Variants in AK5 observed in about 807,000 individuals in gnomAD.
AK5 encodes adenylate kinase isoenzyme 5.
Under a neutral mutation model 69.5 loss-of-function variants are expected in AK5, and 27 were observed. The ratio of observed to expected loss-of-function variants is 0.39; its 90% CI spans 0.29 to 0.54. The LOEUF (loss-of-function observed/expected upper bound fraction) is 0.54, where lower values mean the gene tolerates loss of function less well. Ranked by LOEUF, AK5 falls within the 20% of genes least tolerant of loss-of-function variation. The pLI is 0.71. For missense variants in AK5, 531 were observed against 700.4 expected, an observed-to-expected ratio of 0.76 and a Z score of 2.73; for synonymous variants, 260 against 244.4, an observed-to-expected ratio of 1.06 and a Z score of -0.60.
rs55772064 is a variant in AK5, at chr1:77,423,231, T to TAAA, written c.1059+5524_1059+5526dup. 1.4e-4 allele frequency among the ~76,000 whole-genome samples: 18 copies of TAAA among 132,298 alleles called. 3 individuals are homozygous for TAAA. Among genetic ancestry groups the TAAA allele is most frequent in the South Asian group, 4.8e-4 (2 of 4,152 alleles). 86.8% of individuals were successfully genotyped at this position (132,298 alleles called of 152,430 possible). On this transcript the variant is annotated intron_variant, in intron 8 of 13. Transcript: ENST00000354567. Reference sequence around the variant, plus strand: ...GCAAGACTCCGTCTAAAAAAAAAAATAAAAAAAAAAGAAGAACTACTGTTG... The same window carrying TAAA: ...GCAAGACTCCGTCTAAAAAAAAAAATAAAAAAAAAAAAAGAAGAACTACTGTTG...
intron 6 of AK5, among the ~76,000 whole-genome samples, chr1:77,402,289 C>CATT (rs982570861): frequency 6.4e-4 from 97 of 151,658 alleles, no homozygotes; most frequent in Admixed American, 1.2e-3. Context: ...AAAACTTTTT[C>CATT]ATTATTATTA....
At chr1:77,316,601 T>C (rs1341837729) in intron 5 of AK5, among the ~76,000 whole-genome samples, 1 of 152,192 alleles carries the variant, frequency 6.6e-6, no homozygotes, top group East Asian at 1.9e-4. Context: ...ACAAATTTGA[T>C]TTCCTCCTAA....
intron 6 of AK5, among the ~76,000 whole-genome samples, chr1:77,346,460 A>T (rs1191632025): frequency 6.6e-6 from 1 of 152,328 alleles, no homozygotes; most frequent in Admixed American, 6.5e-5. Context: ...ATCACTGCAC[A>T]TATGGTGGAA....
chr1:77,440,718 T>A (rs994765202), intron 8 of AK5, among the ~76,000 whole-genome samples: 1 of 152,040 alleles, frequency 6.6e-6, no homozygotes, highest in African/African-American at 2.4e-5. Flanking sequence ...TAATTTATAA[T>A]GGCCTATATT....
chr1:77,456,981 C>T (rs1653528311), intron 8 of AK5, among the ~76,000 whole-genome samples: 1 of 150,980 alleles, frequency 6.6e-6, no homozygotes. Flanking sequence ...TTGCAAATGG[C>T]TTTATTCTTT....
At chr1:77,346,476 A>G (rs970077581) in intron 6 of AK5, among the ~76,000 whole-genome samples, 3 of 152,186 alleles carry the variant, frequency 2.0e-5, no homozygotes, top group Non-Finnish European at 4.4e-5. Flanking sequence ...TGGAAATGGA[A>G]AGAAAAATAA....
At chr1:77,531,605 G>C (rs1658592975) in intron 12 of AK5, among the ~76,000 whole-genome samples, 1 of 152,156 alleles carries the variant, frequency 6.6e-6, no homozygotes, top group African/African-American at 2.4e-5. Flanking sequence ...CAAACCTTGA[G>C]CTAGATACAG....
chr1:77,470,860 TATATATA>T (rs1654449526), intron 8 of AK5, among the ~76,000 whole-genome samples: 4 of 3,406 alleles, frequency 1.2e-3, no homozygotes, highest in African/African-American at 3.3e-3. Flanking sequence ...TATATATATA[TATATATA>T]TATATATATT....
chr1:77,417,733 A>G lies in AK5; in HGVS notation c.1059+18A>G. 6.9e-7 allele frequency: 1 copy of G among 1,445,412 alleles called. No individual in the cohort carries two copies. Among genetic ancestry groups the G allele is most frequent in the African/African-American group, 1.4e-5 (1 of 71,118 alleles). 89.5% of individuals were successfully genotyped at this position (1,445,412 alleles called of 1,614,324 possible). A position where few individuals can be genotyped will look rare whatever the true frequency, so the allele number is the denominator to read the frequency against. On this transcript the variant is annotated intron_variant, in intron 8 of 13. Coordinates refer to ENST00000354567, the MANE Select transcript of AK5 (RefSeq NM_174858.3). The stretch of plus-strand genomic sequence containing the variant: ...AAGATCAGGTAATTAAAATCTGAAA[A>G]TAGTTCTCTATTTAAATGTTTTTAA...
chr1:77,336,834 G>A (rs1661388588), intron 5 of AK5, among the ~76,000 whole-genome samples: 1 of 152,008 alleles, frequency 6.6e-6, no homozygotes, highest in Non-Finnish European at 1.5e-5. Context: ...ATTTTTGCTG[G>A]ATATGCTATT....
intron 11 of AK5, among the ~76,000 whole-genome samples, chr1:77,520,575 C>T (rs1657924148): frequency 6.6e-6 from 1 of 152,196 alleles, no homozygotes; most frequent in Admixed American, 6.5e-5. Context: ...TGTCTGCAGC[C>T]TGATGCTCTC....
chr1:77,451,702 C>T (rs543506892), intron 8 of AK5, among the ~76,000 whole-genome samples: 19 of 152,330 alleles, frequency 1.2e-4, no homozygotes, highest in South Asian at 2.1e-4. Flanking sequence ...CAGGGTTGTA[C>T]TTGCAGTTTT....
chr1:77,442,903 T>C (rs1312087358), intron 8 of AK5, among the ~76,000 whole-genome samples: 1 of 152,154 alleles, frequency 6.6e-6, no homozygotes, highest in East Asian at 1.9e-4. Context: ...GGCCTTTGTG[T>C]AAAATTGTGG....
chr1:77,489,220 G>C (rs74090608), intron 10 of AK5, among the ~76,000 whole-genome samples: 7,117 of 152,040 alleles, frequency 0.047, 346 homozygotes, highest in East Asian at 0.2. Context: ...AACCTCCAAG[G>C]GTCCACAGAC....
In AK5 at chr1:77,371,557, A is replaced by G. The variant is rs1045013999; in HGVS notation, c.891+30989A>G. 2.6e-5 allele frequency: 4 copies of G among 152,064 alleles called. No individual in the cohort carries two copies. In the East Asian group the frequency reaches 7.7e-4, roughly 29 times the overall value. 9.4% of individuals were successfully genotyped at this position (152,064 alleles called of 1,614,324 possible). A position where few individuals can be genotyped will look rare whatever the true frequency, so the allele number is the denominator to read the frequency against. ...CCACAGGCATTTAATCGTTCACTTG[A>G]GAGTATAGTGCAAAGAATGTAGGCT... On this transcript the variant is annotated intron_variant, in intron 6 of 13. Coordinates refer to ENST00000354567, the MANE Select transcript of AK5 (RefSeq NM_174858.3).
intron 6 of AK5, among the ~76,000 whole-genome samples, chr1:77,382,262 A>G (rs926583383): frequency 1.5e-5 from 2 of 137,134 alleles, no homozygotes; most frequent in African/African-American, 5.4e-5. Flanking sequence ...TTCTGTTTAT[A>G]AATTATGCTC....
intron 6 of AK5, among the ~76,000 whole-genome samples, chr1:77,367,556 T>TAC (rs1557532470): frequency 3.7e-5 from 1 of 26,792 alleles, no homozygotes; most frequent in African/African-American, 1.1e-4. Context: ...TTATGTTATT[T>TAC]TTATATATAT....
chr1:77,527,012 C>T (rs1001171335), intron 12 of AK5, among the ~76,000 whole-genome samples: 7 of 152,000 alleles, frequency 4.6e-5, no homozygotes, highest in African/African-American at 1.7e-4. Context: ...CAATGACAAC[C>T]CTGGACCTTC....
chr1:77,550,179 G>A (rs987416140), intron 13 of AK5, among the ~76,000 whole-genome samples: 2 of 152,152 alleles, frequency 1.3e-5, no homozygotes, highest in African/African-American at 2.4e-5. Context: ...CTGGGCTGAA[G>A]CAATCCTCCT....
Sources: gnomAD v4.1 joint callset for allele counts (sites outside exome capture counted in the v4.1 genomes callset) on GRCh38, gnomAD v4.1.1 for gene constraint, MANE v1.5 for transcripts, NCBI Gene and HGNC (gene_info 2026-07-23, HGNC 2026-07-21) for gene names.